CSMD2: variants seen among roughly 807,000 people sequenced by gnomAD.
The protein encoded by CSMD2 is CUB and Sushi multiple domains 2, also known as CUB and sushi domain-containing protein 2.
CSMD2 carries 130 observed loss-of-function variants against 398.5 expected under a neutral mutation model. That is an observed-to-expected ratio of 0.33 (90% CI 0.28 to 0.38). CSMD2 has a LOEUF of 0.38. Among genes scored for constraint, CSMD2 ranks in the 10% least tolerant of loss-of-function variants. CSMD2 has a pLI of 1.00. For missense variants in CSMD2, 3,829 were observed against 4,764.9 expected, an observed-to-expected ratio of 0.80 and a Z score of 5.78; for synonymous variants, 1,828 against 1,908.5, an observed-to-expected ratio of 0.96 and a Z score of 1.10.
intron 6 of CSMD2, among the ~76,000 whole-genome samples, chr1:33,837,755 G>T (rs995251154): frequency 6.6e-6 from 1 of 152,150 alleles, no homozygotes; most frequent in Non-Finnish European, 1.5e-5. Flanking sequence ...ACAAAGTCAG[G>T]ACTCCCAAGG....
chr1:33,517,968 T>A (rs1055549484), intron 70 of CSMD2, among the ~76,000 whole-genome samples: 5 of 152,272 alleles, frequency 3.3e-5, no homozygotes, highest in African/African-American at 1.2e-4. Flanking sequence ...GTTTCCTCGC[T>A]GCACTGCCAT....
chr1:33,646,328 C>G (rs530039373), intron 29 of CSMD2, among the ~76,000 whole-genome samples: 3 of 152,076 alleles, frequency 2.0e-5, no homozygotes, highest in African/African-American at 7.2e-5. Context: ...AAGGAAGATA[C>G]CAGCTGATAG....
Position 33,636,580 on chromosome 1 carries a change from G to GCA in CSMD2, c.4775-28_4775-27dup. ...CTGGGAAAAAGAAATACAAACACGT[G>GCA]CACACACACAGAGGGCTCATGAGGA... On this transcript the variant is annotated intron_variant, in intron 29 of 70. Coordinates refer to ENST00000373381, the MANE Select transcript of CSMD2 (RefSeq NM_001281956.2). This position sits in a 1 kb window ranked among gnomAD's most constrained non-coding sequence, Gnocchi z 4.8. 1 of 1,603,218 alleles carries GCA rather than the reference G, an allele frequency of 6.2e-7. No homozygotes were observed. Among genetic ancestry groups the GCA allele is most frequent in the South Asian group, 1.1e-5 (1 of 90,556 alleles).
intron 3 of CSMD2, among the ~76,000 whole-genome samples, chr1:33,947,598 A>C (rs1170968402): frequency 6.6e-6 from 1 of 152,128 alleles, no homozygotes; most frequent in African/African-American, 2.4e-5. Flanking sequence ...TCTCCTTCCA[A>C]GAAGAGTTAG....
rs779173793 is a variant in CSMD2, at chr1:33,724,573, C to T, written c.2827G>A (p.Glu943Lys). The T allele has an allele frequency of 2.0e-5, 33 of 1,614,092 alleles. No homozygotes were observed. The highest frequency in any genetic ancestry group is 2.8e-5 in the Non-Finnish European group (33 of 1,180,052). The change falls in exon 18 of 71, where the codon GAG becomes AAG. Residue 943 changes from glutamate (E) to lysine (K), a missense_variant. By Grantham distance (56) the Glu-to-Lys change is moderately conservative. This residue lies in a region of CSMD2 where 2,001 missense variants were observed against 2,567.1 expected (regional missense o/e 0.78). Transcript: ENST00000373381. ...CDSGYTLSDG[E>K]PLECEPNFQW... ...AAGTTGGGCTCACACTCCAGAGGCTCCCCGTCACTTAATGTGTAGCCCGAG... is the reference window on the plus strand; with the variant it reads ...AAGTTGGGCTCACACTCCAGAGGCTTCCCGTCACTTAATGTGTAGCCCGAG...
Position 33,864,418 on chromosome 1 carries a change from T to C in CSMD2, c.921-17422A>G, listed in dbSNP as rs757313547. 6 of 1,613,348 alleles carry C rather than the reference T, an allele frequency of 3.7e-6. No individual in the cohort carries two copies. In the South Asian group the frequency reaches 4.4e-5, roughly 12 times the overall value. On this transcript the variant is annotated intron_variant, in intron 5 of 70. Transcript: ENST00000373381. ...AAAGCCCGATACCAGGAAGAAATGA[T>C]GAATTATGTTGGCAAGAGGAAGAAA... is the stretch of plus-strand genomic sequence containing the variant.
chr1:34,019,163 C>T (rs558586439), intron 3 of CSMD2, among the ~76,000 whole-genome samples: 2 of 152,312 alleles, frequency 1.3e-5, no homozygotes, highest in African/African-American at 4.8e-5. Flanking sequence ...TAGAAGAGTG[C>T]CTGGCACCTG....
intron 9 of CSMD2, chr1:33,815,212 C>T (rs546174612): frequency 2.6e-4 from 40 of 152,206 alleles, no homozygotes; most frequent in African/African-American, 9.6e-4. Context: ...TCACTAACCC[C>T]AATGTTTACT....
intron 10 of CSMD2, among the ~76,000 whole-genome samples, chr1:33,803,571 T>G (rs185190985): frequency 6.0e-4 from 92 of 152,318 alleles, no homozygotes; most frequent in African/African-American, 2.2e-3. Context: ...TGGAACCACG[T>G]TGGTCACTTG....
intron 3 of CSMD2, among the ~76,000 whole-genome samples, chr1:34,023,095 C>T (rs1649137944): frequency 6.6e-6 from 1 of 152,158 alleles, no homozygotes; most frequent in Non-Finnish European, 1.5e-5. Flanking sequence ...CTTGGCCTCC[C>T]AAAGTACTAG....
At chr1:33,793,800 C>T (rs528619035) in intron 10 of CSMD2, among the ~76,000 whole-genome samples, 33 of 152,124 alleles carry the variant, frequency 2.2e-4, no homozygotes, top group Non-Finnish European at 4.3e-4. Flanking sequence ...GGCTTTGAGA[C>T]AGGATGCATG....
rs1655414081 is a variant in CSMD2 at position 33,533,171 on chromosome 1, C to A, written c.10050G>T (p.Leu3350Phe). ...PTHANVGALD[L>F]PSMGYTLIYS... The stretch of plus-strand genomic sequence containing the variant: ...AGATGAGCGTGTAGCCCATGGAGGG[C>A]AAATCCAGGGCCCCGACGTTGGCAT... The change falls in exon 64 of 71, where the codon TTG (leucine) becomes TTT (phenylalanine). Residue 3350 changes from leucine (L) to phenylalanine (F), a missense_variant. Transcript: ENST00000373381. The surrounding 1 kb of genome is among the most constrained non-coding windows in gnomAD (Gnocchi z 4.2). The A allele has an allele frequency of 1.9e-6, 3 of 1,614,048 alleles. No individual in the cohort carries two copies. The highest frequency in any genetic ancestry group is 2.5e-6 in the Non-Finnish European group (3 of 1,180,016).
intron 5 of CSMD2, among the ~76,000 whole-genome samples, chr1:33,892,154 T>G (rs1331507128): frequency 6.6e-6 from 1 of 151,622 alleles, no homozygotes; most frequent in Non-Finnish European, 1.5e-5. Context: ...AACTATAGTA[T>G]ATACACTAGT....
Position 33,739,167 on chromosome 1 carries a change from A to C in CSMD2, c.2341T>G (p.Trp781Gly). 1 of 1,613,978 alleles carries C rather than the reference A, an allele frequency of 6.2e-7. No individual in the cohort carries two copies. Among genetic ancestry groups the C allele is most frequent in the Non-Finnish European group, 8.5e-7 (1 of 1,179,948 alleles). The change falls in exon 15 of 71, where the codon TGG (tryptophan) becomes GGG (glycine). Residue 781 changes from tryptophan to glycine, a missense_variant. Coordinates refer to ENST00000373381, the MANE Select transcript of CSMD2 (RefSeq NM_001281956.2). ...TCACACCGCAGCACAGCGCTGTTCC[A>C]GACCACGCTGCCCTCCTTCAGGACG... ...TCVLKEGSVV[W>G]NSAVLRCEAP...
intron 13 of CSMD2, among the ~76,000 whole-genome samples, chr1:33,771,351 C>T (rs1000318858): frequency 5.3e-5 from 8 of 152,246 alleles, no homozygotes; most frequent in East Asian, 1.9e-4. Context: ...CAGCATGCTA[C>T]GTGGCTAATG....
chr1:33,830,983 C>T (rs991139512), intron 6 of CSMD2, among the ~76,000 whole-genome samples: 3 of 152,144 alleles, frequency 2.0e-5, no homozygotes, highest in Admixed American at 2.0e-4. Context: ...AAGAAACGAA[C>T]AAAGATTCCA....
intron 1 of CSMD2, among the ~76,000 whole-genome samples, chr1:34,127,948 G>A (rs1662913294): frequency 6.6e-6 from 1 of 152,052 alleles, no homozygotes; most frequent in African/African-American, 2.4e-5. Context: ...GACCTTGCAT[G>A]GCTGGGCACC....
chr1:33,860,843 T>C (rs1213283298), intron 5 of CSMD2: 1 of 152,212 alleles, frequency 6.6e-6, no homozygotes, highest in African/African-American at 2.4e-5. Flanking sequence ...GTCTGGACAG[T>C]GTTTTTCAAA....
intron 2 of CSMD2, among the ~76,000 whole-genome samples, chr1:34,068,565 G>C (rs1343115520): frequency 6.6e-6 from 1 of 152,156 alleles, no homozygotes; most frequent in African/African-American, 2.4e-5. Context: ...TAATTCTGTA[G>C]CCTGTTTTGT....
Sources: allele counts gnomAD v4.1 joint callset (sites outside exome capture counted in the v4.1 genomes callset), GRCh38; gene constraint gnomAD v4.1.1; regional missense constraint gnomAD v4.1.1; non-coding constraint Gnocchi (gnomAD v3.1); transcripts MANE v1.5; gene names NCBI Gene and HGNC (gene_info 2026-07-23, HGNC 2026-07-21).